RALGAPA1: variants seen among roughly 807,000 people sequenced by gnomAD.
RALGAPA1 encodes Ral GTPase activating protein catalytic subunit alpha 1, also known as ral GTPase-activating protein subunit alpha-1.
RALGAPA1 carries 52 observed loss-of-function variants against 269.6 expected under a neutral mutation model. The ratio of observed to expected loss-of-function variants is 0.19; its 90% CI spans 0.15 to 0.24. The LOEUF is 0.24. Ranked by LOEUF, RALGAPA1 falls within the 10% of genes least tolerant of loss-of-function variation. RALGAPA1 has a pLI of 1.00. For missense variants in RALGAPA1, 1,917 were observed against 3,013.9 expected (o/e 0.64, Z 8.52); for synonymous variants, 817 against 1,008.3 (o/e 0.81, Z 3.60).
intron 17 of RALGAPA1, among the ~76,000 whole-genome samples, chr14:35,695,927 G>A (rs954867452): frequency 6.6e-6 from 1 of 152,158 alleles, no homozygotes; most frequent in Non-Finnish European, 1.5e-5. Context: ...AGAAGCCAAG[G>A]AGTGTACTTG....
chr14:35,636,363 C>T (rs1422894459), intron 31 of RALGAPA1, among the ~76,000 whole-genome samples: 3 of 152,248 alleles, frequency 2.0e-5, no homozygotes, highest in South Asian at 2.1e-4. Flanking sequence ...TCTTTAAAAA[C>T]GAACTCTCCA....
intron 16 of RALGAPA1, among the ~76,000 whole-genome samples, chr14:35,710,582 C>T (rs1202009990): frequency 6.6e-6 from 1 of 152,042 alleles, no homozygotes; most frequent in Non-Finnish European, 1.5e-5. Context: ...TTATGTAATA[C>T]CCCTCTTTAT....
chr14:35,560,149 C>T (rs370909946), intron 39 of RALGAPA1, among the ~76,000 whole-genome samples: 12 of 152,296 alleles, frequency 7.9e-5, no homozygotes, highest in South Asian at 2.1e-4. Flanking sequence ...CGCTAGTCAA[C>T]GGGTAAAAAA....
intron 28 of RALGAPA1, among the ~76,000 whole-genome samples, chr14:35,656,858 C>T (rs1036020491): frequency 6.6e-6 from 1 of 152,066 alleles, no homozygotes; most frequent in African/African-American, 2.4e-5. Context: ...CCCATAAATC[C>T]TAGGTAATAT....
intron 38 of RALGAPA1, 113 bp downstream of exon 38, chr14:35,572,447 C>CA: frequency 1.3e-6 from 1 of 760,330 alleles, no homozygotes; most frequent in South Asian, 2.1e-5. Context: ...CATTTACCCT[C>CA]AGTTTCACAA....
At chr14:35,661,109 C>CAGT (rs199674148) in intron 27 of RALGAPA1, among the ~76,000 whole-genome samples, 6,020 of 152,108 alleles carry the variant, frequency 0.04, 339 homozygotes, top group African/African-American at 0.12. Context: ...CCTGCTAAGA[C>CAGT]AGTAGATCTT....
chr14:35,612,754 G>A (rs993629256), intron 35 of RALGAPA1, among the ~76,000 whole-genome samples: 1 of 151,918 alleles, frequency 6.6e-6, no homozygotes, highest in Non-Finnish European at 1.5e-5. Flanking sequence ...TAGCCAGGAT[G>A]GTCTCGATCT....
intron 27 of RALGAPA1, among the ~76,000 whole-genome samples, chr14:35,663,187 T>C (rs1036190968): frequency 3.9e-5 from 6 of 152,044 alleles, no homozygotes; most frequent in Non-Finnish European, 8.8e-5. Flanking sequence ...CCACCATACC[T>C]GGCCTAAAAA....
At chr14:35,550,557 GA>G (rs2054900454) in intron 39 of RALGAPA1, among the ~76,000 whole-genome samples, 1 of 151,908 alleles carries the variant, frequency 6.6e-6, no homozygotes, top group African/African-American at 2.4e-5. Flanking sequence ...AATTCAATGG[GA>G]GATACCATGG....
intron 11 of RALGAPA1, among the ~76,000 whole-genome samples, chr14:35,739,884 C>T (rs948075286): frequency 1.3e-5 from 2 of 152,106 alleles, no homozygotes. Flanking sequence ...CTCTCTTATT[C>T]AAAGGCTTTC....
intron 29 of RALGAPA1, among the ~76,000 whole-genome samples, chr14:35,655,359 T>A (rs1177974463): frequency 6.6e-6 from 1 of 152,062 alleles, no homozygotes; most frequent in African/African-American, 2.4e-5. Flanking sequence ...AATAATTACA[T>A]TATTACTACT....
At chr14:35,660,078 G>A (rs919597152) in intron 27 of RALGAPA1, among the ~76,000 whole-genome samples, 3 of 151,934 alleles carry the variant, frequency 2.0e-5, no homozygotes, top group African/African-American at 7.2e-5. Context: ...AATCAACAGC[G>A]AAAAGCTGAA....
intron 35 of RALGAPA1, among the ~76,000 whole-genome samples, chr14:35,617,883 A>G (rs1290721450): frequency 6.6e-6 from 1 of 152,032 alleles, no homozygotes; most frequent in African/African-American, 2.4e-5. Context: ...AAAATTTTAA[A>G]AAACCACAAA....
At chr14:35,633,588 G>A (rs2061490297) in intron 33 of RALGAPA1, among the ~76,000 whole-genome samples, 1 of 152,050 alleles carries the variant, frequency 6.6e-6, no homozygotes, top group Non-Finnish European at 1.5e-5. Flanking sequence ...CAATACTGCT[G>A]TTGTTATACA....
intron 27 of RALGAPA1, among the ~76,000 whole-genome samples, chr14:35,664,106 A>T (rs1415880793): frequency 6.6e-6 from 1 of 152,046 alleles, no homozygotes; most frequent in Non-Finnish European, 1.5e-5. Flanking sequence ...TTTTTTAAGG[A>T]TTAATATCTG....
intron 3 of RALGAPA1, among the ~76,000 whole-genome samples, chr14:35,774,446 TA>T (rs967729017): frequency 2.2e-4 from 32 of 146,492 alleles, no homozygotes; most frequent in Non-Finnish European, 2.9e-4. Context: ...TGCTAAAAAT[TA>T]AAAAAAAAAA....
intron 10 of RALGAPA1, among the ~76,000 whole-genome samples, chr14:35,742,963 C>T (rs762094624): frequency 6.6e-6 from 1 of 152,124 alleles, no homozygotes; most frequent in Non-Finnish European, 1.5e-5. Flanking sequence ...GACAGGAACC[C>T]AGTCCTGGAC....
At chr14:35,804,518 G>A (rs907216014) in intron 1 of RALGAPA1, among the ~76,000 whole-genome samples, 8 of 150,736 alleles carry the variant, frequency 5.3e-5, no homozygotes, top group Admixed American at 1.3e-4. Flanking sequence ...GCAGTGAGCC[G>A]AGATCGTGCC....
intron 29 of RALGAPA1, among the ~76,000 whole-genome samples, chr14:35,655,454 TG>T (rs1428437719): frequency 6.6e-6 from 1 of 150,432 alleles, no homozygotes; most frequent in Non-Finnish European, 1.5e-5. Context: ...ATTCAGGGAG[TG>T]GTAATAAAGA....
Sources: gnomAD v4.1 joint callset for allele counts (sites outside exome capture counted in the v4.1 genomes callset) on GRCh38, gnomAD v4.1.1 for gene constraint, MANE v1.5 for transcripts, NCBI Gene and HGNC (gene_info 2026-07-23, HGNC 2026-07-21) for gene names.